Variants in SPHKAP observed in about 807,000 individuals in gnomAD.
SPHKAP encodes A-kinase anchor protein SPHKAP.
Under a neutral mutation model 137.5 loss-of-function variants are expected in SPHKAP, and 67 were observed. The ratio of observed to expected loss-of-function variants is 0.49; its 90% CI spans 0.40 to 0.60. The LOEUF (loss-of-function observed/expected upper bound fraction) is 0.60. Among genes scored for constraint, SPHKAP ranks in the 20% least tolerant of loss-of-function variants. The probability of loss-of-function intolerance (pLI) is 0.00; values close to 1 mark genes in which losing one functional copy is unlikely to be tolerated. For missense variants in SPHKAP, 2,097 were observed against 2,069.3 expected, an observed-to-expected ratio of 1.01 and a Z score of -0.26; for synonymous variants, 813 against 785.3, an observed-to-expected ratio of 1.04 and a Z score of -0.59.
intron 7 of SPHKAP, among the ~76,000 whole-genome samples, chr2:227,996,486 C>A (rs1693645232): frequency 6.6e-6 from 1 of 152,112 alleles, no homozygotes; most frequent in Admixed American, 6.5e-5. Context: ...CTATAGCTGG[C>A]TCTGATTGAT....
At position 227,991,106 on chromosome 2, in the gene SPHKAP, T is replaced by A. The variant is rs765992270; in HGVS notation, c.4853A>T (p.Glu1618Val). 5 of 1,613,984 alleles carry A rather than the reference T, an allele frequency of 3.1e-6. No homozygotes were observed. The highest frequency in any genetic ancestry group is 1.7e-5 in the Admixed American group (1 of 59,996). Reference protein sequence around the residue: ...LLVINFDLEPECPDAELRATL... With the variant: ...LLVINFDLEPVCPDAELRATL... Reference sequence around the variant, plus strand: ...GGCTCGGAGCTCGGCATCTGGACACTCTGGCTCCAGGTCAAAGTTGATCAC... The same window carrying A: ...GGCTCGGAGCTCGGCATCTGGACACACTGGCTCCAGGTCAAAGTTGATCAC... Residue 1618 changes from glutamate (E) to valine (V), a missense_variant, in exon 11 of 12, where the codon GAG becomes GTG. Glu to Val is a moderately radical substitution (Grantham distance 121). Transcript: ENST00000392056.
intron 3 of SPHKAP, among the ~76,000 whole-genome samples, chr2:228,063,420 A>T (rs1696723676): frequency 6.6e-6 from 1 of 152,200 alleles, no homozygotes; most frequent in Non-Finnish European, 1.5e-5. Context: ...TCAAATTAGT[A>T]AGACATAGTG....
At chr2:228,146,408 C>G (rs996986661) in intron 1 of SPHKAP, among the ~76,000 whole-genome samples, 4 of 152,108 alleles carry the variant, frequency 2.6e-5, no homozygotes, top group Non-Finnish European at 4.4e-5. Context: ...TAGCAAGCTA[C>G]TTATTACTAT....
chr2:228,117,549 G>A (rs1283263056), intron 2 of SPHKAP, among the ~76,000 whole-genome samples: 1 of 152,132 alleles, frequency 6.6e-6, no homozygotes, highest in African/African-American at 2.4e-5. Context: ...TGATTGGAAT[G>A]AAGGCAAGTA....
chr2:228,093,877 A>AAAAC (rs1453436187), intron 3 of SPHKAP, among the ~76,000 whole-genome samples: 4 of 150,902 alleles, frequency 2.7e-5, no homozygotes, highest in Non-Finnish European at 4.4e-5. Flanking sequence ...AAAAAAAAAA[A>AAAAC]AAAAAAAAAC....
intron 1 of SPHKAP, among the ~76,000 whole-genome samples, chr2:228,137,631 G>T (rs1242215601): frequency 2.6e-5 from 4 of 151,994 alleles, no homozygotes; most frequent in Non-Finnish European, 1.5e-5. Flanking sequence ...AACCCTATTA[G>T]GGATATCTAC....
chr2:228,069,470 TG>T (rs1174126516), intron 3 of SPHKAP, among the ~76,000 whole-genome samples: 9 of 139,038 alleles, frequency 6.5e-5, no homozygotes, highest in Non-Finnish European at 9.2e-5. Flanking sequence ...TTTTTAGAGA[TG>T]GGGGGGTCTC....
At chr2:228,009,421 C>T (rs527375731) in intron 7 of SPHKAP, among the ~76,000 whole-genome samples, 56 of 152,206 alleles carry the variant, frequency 3.7e-4, no homozygotes, top group African/African-American at 1.3e-3. Flanking sequence ...GTCTTACATT[C>T]GTGTGTACCT....
At chr2:228,170,806 T>C (rs1475099731) in intron 1 of SPHKAP, among the ~76,000 whole-genome samples, 1 of 152,144 alleles carries the variant, frequency 6.6e-6, no homozygotes, top group African/African-American at 2.4e-5. Context: ...GAACCAAGCC[T>C]ACCATATCGC....
chr2:228,127,853 C>T (rs1040278705), intron 2 of SPHKAP, among the ~76,000 whole-genome samples: 18 of 152,176 alleles, frequency 1.2e-4, no homozygotes, highest in African/African-American at 4.1e-4. Context: ...TTTCCCAATG[C>T]ATATAAAAGT....
intron 2 of SPHKAP, among the ~76,000 whole-genome samples, chr2:228,115,918 T>C (rs929388422): frequency 3.9e-5 from 6 of 152,146 alleles, no homozygotes; most frequent in Admixed American, 1.3e-4. Flanking sequence ...AAAAGGGCTC[T>C]GCCCTCATGC....
intron 3 of SPHKAP, among the ~76,000 whole-genome samples, chr2:228,033,457 T>C (rs1000218723): frequency 3.3e-5 from 5 of 152,128 alleles, no homozygotes; most frequent in South Asian, 2.1e-4. Context: ...ACTGTCAACA[T>C]TGGACAGATC....
In SPHKAP at chr2:228,018,145, C is replaced by A; in HGVS notation, c.2709G>T (p.Leu903Phe). ...RINEVQVNLS[L>F]LGDDLLLPAQ... is the part of the protein sequence containing the mutation. ...CAGGAAGCAGCAGGTCATCCCCTAA[C>A]AAGGACAGGTTGACTTGAACTTCGT... Residue 903 changes from leucine (L) to phenylalanine (F), a missense_variant, in exon 7 of 12, where the codon TTG becomes TTT. Transcript: ENST00000392056. 6.2e-7 allele frequency: 1 copy of A among 1,614,198 alleles called. No homozygotes were observed. The highest frequency in any genetic ancestry group is 1.3e-5 in the African/African-American group (1 of 75,068).
At chr2:228,116,947 C>T (rs565227800) in intron 2 of SPHKAP, among the ~76,000 whole-genome samples, 3 of 152,100 alleles carry the variant, frequency 2.0e-5, no homozygotes, top group African/African-American at 7.2e-5. Context: ...TATCATTCCA[C>T]CTGCTCCCTG....
intron 1 of SPHKAP, among the ~76,000 whole-genome samples, chr2:228,145,809 G>A (rs2106392311): frequency 1.3e-5 from 2 of 152,292 alleles, no homozygotes; most frequent in South Asian, 4.1e-4. Context: ...AACAATTGAA[G>A]ACTGAAAGAA....
At chr2:228,114,495 C>T (rs1054633873) in intron 2 of SPHKAP, among the ~76,000 whole-genome samples, 12 of 152,070 alleles carry the variant, frequency 7.9e-5, no homozygotes, top group African/African-American at 2.9e-4. Flanking sequence ...ACTGAATGAG[C>T]TTGGGCAAGT....
At chr2:227,985,060 G>T (rs1250323691) in intron 11 of SPHKAP, among the ~76,000 whole-genome samples, 1 of 152,116 alleles carries the variant, frequency 6.6e-6, no homozygotes, top group Non-Finnish European at 1.5e-5. Context: ...ATACCTTTCT[G>T]GAAGCCCTAA....
chr2:228,019,582 T>C lies in SPHKAP; in HGVS notation c.1272A>G (p.Val424=), dbSNP rs764294465. The C allele has an allele frequency of 2.5e-6, 4 of 1,614,156 alleles. No individual in the cohort carries two copies. Among genetic ancestry groups the C allele is most frequent in the South Asian group, 2.2e-5 (2 of 91,088 alleles). Residue 424 remains valine (V), a synonymous_variant, in exon 7 of 12, where the codon GTA becomes GTG. Transcript: ENST00000392056. ...AGCAACTGGGAAGCAGAGAACTTCC[T>C]ACAGAAACACTGACTGCAGATTCCT... The part of the protein sequence containing the change: ...LPQESAVSVS[V]GSSLLPSCYS...
At chr2:228,145,351 T>G (rs1429551597) in intron 1 of SPHKAP, among the ~76,000 whole-genome samples, 1 of 152,236 alleles carries the variant, frequency 6.6e-6, no homozygotes, top group Non-Finnish European at 1.5e-5. Flanking sequence ...TTTCTATATT[T>G]TCTATACATT....
Sources: gnomAD v4.1 joint callset for allele counts (sites outside exome capture counted in the v4.1 genomes callset) on GRCh38, gnomAD v4.1.1 for gene constraint, MANE v1.5 for transcripts, NCBI Gene and HGNC (gene_info 2026-07-23, HGNC 2026-07-21) for gene names.